Variants in HMCN1 observed in about 807,000 individuals in gnomAD.
HMCN1 encodes the protein hemicentin-1.
Under a neutral mutation model 625.9 loss-of-function variants are expected in HMCN1, and 321 were observed. The ratio of observed to expected loss-of-function variants is 0.51; its 90% CI spans 0.47 to 0.56. The LOEUF is 0.56. HMCN1 is among the 20% of genes least tolerant of loss of function. HMCN1 has a pLI of 0.00. For synonymous variants in HMCN1, 2,425 were observed against 2,417.6 expected, an observed-to-expected ratio of 1.00 and a Z score of -0.09; for missense variants, 6,588 against 6,887.3, an observed-to-expected ratio of 0.96 and a Z score of 1.54.
chr1:186,070,807 G>A (rs748855038), intron 52 of HMCN1, 50 bp downstream of exon 52: 6 of 1,567,784 alleles, frequency 3.8e-6, no homozygotes, highest in Non-Finnish European at 4.4e-6. Context: ...AGACTAAAAT[G>A]GTCAATTGAA....
intron 4 of HMCN1, among the ~76,000 whole-genome samples, chr1:185,879,277 T>C (rs1411054347): frequency 2.0e-5 from 3 of 151,682 alleles, no homozygotes; most frequent in Non-Finnish European, 4.4e-5. Context: ...CCCAAGCAAT[T>C]CTCCCACCTC....
chr1:186,041,832 C>A (rs1048467104), intron 40 of HMCN1, among the ~76,000 whole-genome samples: 1 of 152,034 alleles, frequency 6.6e-6, no homozygotes, highest in Admixed American at 6.6e-5. Context: ...TAAATTATTT[C>A]TTTTATGACC....
At chr1:185,877,317 CTTTCTTTT>C (rs1346733671) in intron 4 of HMCN1, among the ~76,000 whole-genome samples, 736 of 42,670 alleles carry the variant, frequency 0.017, 14 homozygotes, top group African/African-American at 0.054. Context: ...ATCTATGTGT[CTTTCTTTT>C]TTTTTTTTTT....
At chr1:185,987,363 C>T in intron 19 of HMCN1, 69 bp from the exon 20 acceptor site, 1 of 945,488 alleles carries the variant, frequency 1.1e-6, no homozygotes, top group South Asian at 1.3e-5. Flanking sequence ...TGAAAATGTT[C>T]AACTTTAAAT....
At chr1:185,806,621 A>G (rs1281534972) in intron 1 of HMCN1, among the ~76,000 whole-genome samples, 1 of 148,410 alleles carries the variant, frequency 6.7e-6, no homozygotes, top group Admixed American at 6.7e-5. Flanking sequence ...TTTCTTTGTT[A>G]TCTTTGATTT....
At chr1:186,021,555 A>G (rs1654724204) in intron 35 of HMCN1, among the ~76,000 whole-genome samples, 1 of 151,752 alleles carries the variant, frequency 6.6e-6, no homozygotes, top group African/African-American at 2.4e-5. Context: ...TTTAAAAATT[A>G]TGGCATTTAA....
chr1:185,810,628 G>A lies in HMCN1; in HGVS notation c.269-35398G>A, dbSNP rs183799373. ...GTACAACATTAACTATGTTCCTAAA[G>A]AGTGACAACTAAATAAATATCAACT... On this transcript the variant is annotated intron_variant, in intron 1 of 106. Transcript: ENST00000271588. Among the ~76,000 whole-genome samples, 139 of 151,096 alleles carry A rather than the reference G, an allele frequency of 9.2e-4. 1 individual carries two copies. In the Middle Eastern group the frequency reaches 0.01, roughly 11 times the overall value.
intron 2 of HMCN1, among the ~76,000 whole-genome samples, chr1:185,858,752 G>A (rs1311642256): frequency 6.6e-6 from 1 of 150,558 alleles, no homozygotes; most frequent in Admixed American, 6.7e-5. Context: ...TGCCTGGCCA[G>A]CAGTAATTTT....
At chr1:186,034,308 G>T (rs1655676176) in intron 36 of HMCN1, among the ~76,000 whole-genome samples, 1 of 152,092 alleles carries the variant, frequency 6.6e-6, no homozygotes, top group African/African-American at 2.4e-5. Flanking sequence ...ACCCAGTCAG[G>T]CCATGTTGGA....
At chr1:186,056,295 G>C (rs1248800181) in intron 45 of HMCN1, among the ~76,000 whole-genome samples, 1 of 151,996 alleles carries the variant, frequency 6.6e-6, no homozygotes. Flanking sequence ...CAGCCAACGT[G>C]TGTGCCAAAG....
intron 16 of HMCN1, 83 bp downstream of exon 16, chr1:185,978,064 A>C: frequency 2.0e-6 from 2 of 982,914 alleles, no homozygotes; most frequent in Non-Finnish European, 3.1e-6. Context: ...TTGCTATTTA[A>C]AATAGTATAT....
intron 87 of HMCN1, 138 bp from the exon 88 acceptor site, chr1:186,137,360 C>T (rs967747187): frequency 5.8e-6 from 6 of 1,034,522 alleles, no homozygotes; most frequent in Non-Finnish European, 8.6e-6. Flanking sequence ...TTTTAATTTT[C>T]CTTAAAGGAG....
At chr1:185,745,040 A>C (rs1654291767) in intron 1 of HMCN1, among the ~76,000 whole-genome samples, 1 of 152,050 alleles carries the variant, frequency 6.6e-6, no homozygotes, top group Non-Finnish European at 1.5e-5. Flanking sequence ...CATGGTCCTA[A>C]GAATCTAAAA....
chr1:186,095,476 A>C lies in HMCN1; in HGVS notation c.10528A>C (p.Asn3510His). 6.2e-7 allele frequency: 1 copy of C among 1,613,650 alleles called. No homozygotes were observed. The highest frequency in any genetic ancestry group is 1.3e-5 in the African/African-American group (1 of 74,996). Reference sequence around the variant, plus strand: ...GGGAAAGTACACCTGCATTGCCTCAAATGAAGCTGGAGAAGTCAGCAAGCA... The same window carrying C: ...GGGAAAGTACACCTGCATTGCCTCACATGAAGCTGGAGAAGTCAGCAAGCA... ...DSGKYTCIAS[N>H]EAGEVSKHFI... Residue 3510 changes from asparagine (N) to histidine (H), a missense_variant, in exon 68 of 107, where the codon AAT (asparagine) becomes CAT (histidine). Around this residue, in one of 3 missense-constraint regions of HMCN1, gnomAD observed 4,628 missense variants for 4,853.1 expected, o/e 0.95. Transcript: ENST00000271588.
intron 1 of HMCN1, among the ~76,000 whole-genome samples, chr1:185,805,508 T>C (rs75960125): frequency 5.6e-4 from 85 of 152,290 alleles, no homozygotes; most frequent in East Asian, 3.9e-3. Context: ...CTTCTGAGCT[T>C]TATGGGAATT....
At chr1:185,974,351 A>G (rs1285276160) in intron 15 of HMCN1, among the ~76,000 whole-genome samples, 3 of 152,224 alleles carry the variant, frequency 2.0e-5, no homozygotes, top group African/African-American at 7.2e-5. Context: ...TGATTATTAT[A>G]TACTAAATGA....
At chr1:186,027,133 G>T (rs1221620837) in intron 36 of HMCN1, among the ~76,000 whole-genome samples, 3 of 152,190 alleles carry the variant, frequency 2.0e-5, no homozygotes, top group Admixed American at 2.0e-4. Flanking sequence ...CAAAGCTGTA[G>T]TAAGGGTGCC....
intron 4 of HMCN1, among the ~76,000 whole-genome samples, chr1:185,876,901 G>GAAACAAA (rs1663974463): frequency 6.6e-6 from 1 of 151,820 alleles, no homozygotes; most frequent in Non-Finnish European, 1.5e-5. Context: ...TGCTCTGCAG[G>GAAACAAA]AGGTATTTTG....
At position 186,128,079 on chromosome 1, in the gene HMCN1, T is replaced by C. The variant is rs778149005; in HGVS notation, c.12692T>C (p.Leu4231Pro). 3 of 1,612,876 alleles carry C rather than the reference T, an allele frequency of 1.9e-6. No individual in the cohort carries two copies. Among genetic ancestry groups the C allele is most frequent in the African/African-American group, 1.3e-5 (1 of 74,876 alleles). Residue 4231 changes from leucine (L) to proline (P), a missense_variant and splice_region_variant, in exon 83 of 107, where the codon CTG (leucine) becomes CCG (proline). Coordinates refer to ENST00000271588, the MANE Select transcript of HMCN1 (RefSeq NM_031935.3). ...AAATGTTACTTTTTTTAATTTTAGC[T>C]GGAGGATTCTGGCTTCTATACCTGT... is the stretch of plus-strand genomic sequence containing the variant. ...YGELILENVV[L>P]EDSGFYTCVA...
Sources: allele counts gnomAD v4.1 joint callset (sites outside exome capture counted in the v4.1 genomes callset), GRCh38; gene constraint gnomAD v4.1.1; regional missense constraint gnomAD v4.1.1; transcripts MANE v1.5; gene names NCBI Gene and HGNC (gene_info 2026-07-23, HGNC 2026-07-21).